Variants in MACF1 observed in about 807,000 individuals in gnomAD.
The protein encoded by MACF1 is microtubule actin crosslinking factor 1.
MACF1 carries 193 observed loss-of-function variants against 854.8 expected under a neutral mutation model. The ratio of observed to expected loss-of-function variants is 0.23; its 90% CI spans 0.20 to 0.25. The LOEUF is 0.25. MACF1 is among the 10% of genes least tolerant of loss of function. The pLI, the probability that MACF1 is intolerant of heterozygous loss-of-function variation, is 1.00. For synonymous variants in MACF1, 3,185 were observed against 3,226.7 expected (o/e 0.99, Z 0.44); for missense variants, 7,722 against 8,929.1 (o/e 0.86, Z 5.45).
At chr1:39,262,390 T>A (rs1571233492) in intron 6 of MACF1, among the ~76,000 whole-genome samples, 1 of 68,142 alleles carries the variant, frequency 1.5e-5, no homozygotes, top group East Asian at 5.2e-4. Flanking sequence ...TACACGAGAC[T>A]CCATCACAAA....
Position 39,333,221 on chromosome 1 carries a change from A to T in MACF1, c.6633A>T (p.Leu2211Phe), listed in dbSNP as rs1426365132. Residue 2211 changes from leucine (L) to phenylalanine (F), a missense_variant, in exon 37 of 101, where the codon TTA (leucine) becomes TTT (phenylalanine). Coordinates refer to ENST00000564288, the MANE Select transcript of MACF1 (RefSeq NM_001394062.1). ...TAAAGAAAACTCTAGGTATAAAGTTAGAACTAAAGTCTGAAACTGATGGGA... is the reference window on the plus strand; with the variant it reads ...TAAAGAAAACTCTAGGTATAAAGTTTGAACTAAAGTCTGAAACTGATGGGA... ...VQVKKTLGIK[L>F]ELKSETDGNV... 6.2e-7 allele frequency: 1 copy of T among 1,612,442 alleles called. No homozygotes were observed. Among genetic ancestry groups the T allele is most frequent in the Admixed American group, 1.7e-5 (1 of 59,658 alleles).
At chr1:39,303,369 G>A (rs1432247708) in intron 23 of MACF1, among the ~76,000 whole-genome samples, 1 of 152,056 alleles carries the variant, frequency 6.6e-6, no homozygotes, top group Non-Finnish European at 1.5e-5. Flanking sequence ...TGGTCAACAT[G>A]GTAAAACCTC....
At chr1:39,324,621 T>C in intron 34 of MACF1, 25 bp from the exon 35 acceptor site, 1 of 1,569,932 alleles carries the variant, frequency 6.4e-7, no homozygotes, top group Non-Finnish European at 8.6e-7. Flanking sequence ...TTTTGAAGCT[T>C]TTTCTCTTTA....
chr1:39,382,281 AT>A (rs1256216672), intron 56 of MACF1, 129 bp downstream of exon 56: 1 of 832,310 alleles, frequency 1.2e-6, no homozygotes, highest in African/African-American at 1.7e-5. Flanking sequence ...TAAATGAGGT[AT>A]TTATAAGGTG....
At chr1:39,331,006 G>T in intron 36 of MACF1, 197 bp from the exon 37 acceptor site, 1 of 594,230 alleles carries the variant, frequency 1.7e-6, no homozygotes, top group Non-Finnish European at 2.6e-6. Flanking sequence ...TCACCATGTT[G>T]GTCAGGCTGG....
chr1:39,469,586 G>T lies in MACF1; in HGVS notation c.21929G>T (p.Ser7310Ile). Residue 7310 changes from serine to isoleucine, a missense_variant, in exon 97 of 101, where the codon AGC (serine) becomes ATC (isoleucine). Transcript: ENST00000564288. ...AGTAAAATAAAGCGCTCTGATTCCA[G>T]CTCTTCGATTTCCAGTCAGTCTCCC... ...PGSKIKRSDS[S>I]SSISSQSPIA... is the part of the protein sequence containing the mutation. 2 of 1,550,492 alleles carry T rather than the reference G, an allele frequency of 1.3e-6. No individual in the cohort carries two copies. The highest frequency in any genetic ancestry group is 1.7e-6 in the Non-Finnish European group (2 of 1,146,964).
At chr1:39,209,690 C>G (rs1311340477) in intron 1 of MACF1, among the ~76,000 whole-genome samples, 1 of 151,934 alleles carries the variant, frequency 6.6e-6, no homozygotes, top group Non-Finnish European at 1.5e-5. Flanking sequence ...TATATTAAAC[C>G]TAAGATCAAT....
intron 1 of MACF1, among the ~76,000 whole-genome samples, chr1:39,217,794 A>G (rs1644595210): frequency 6.7e-6 from 1 of 149,648 alleles, no homozygotes; most frequent in South Asian, 2.1e-4. Flanking sequence ...GGCGCGGCTG[A>G]GGAGGGAAGA....
chr1:39,260,713 T>C (rs1489431404), intron 6 of MACF1, among the ~76,000 whole-genome samples: 1 of 152,150 alleles, frequency 6.6e-6, no homozygotes, highest in African/African-American at 2.4e-5. Flanking sequence ...ATACTTGTAT[T>C]ATCTCTAAAA....
intron 2 of MACF1, among the ~76,000 whole-genome samples, chr1:39,191,339 T>C (rs1429935212): frequency 6.6e-6 from 1 of 152,198 alleles, no homozygotes; most frequent in Non-Finnish European, 1.5e-5. Flanking sequence ...TCAAAGACCT[T>C]CCTCCACTTC....
chr1:39,237,774 A>G (rs1416127332), intron 2 of MACF1, among the ~76,000 whole-genome samples: 1 of 151,872 alleles, frequency 6.6e-6, no homozygotes, highest in Non-Finnish European at 1.5e-5. Context: ...AACTCCAGGC[A>G]TCCGTCATCT....
intron 15 of MACF1, 84 bp from the exon 16 acceptor site, chr1:39,291,826 G>T (rs181827771): frequency 2.1e-6 from 3 of 1,439,980 alleles, no homozygotes; most frequent in African/African-American, 1.4e-5. Context: ...CTACCCCTTG[G>T]TTCCTTGTCC....
At chr1:39,302,802 T>G in intron 22 of MACF1, 122 bp from the exon 23 acceptor site, 3 of 881,214 alleles carry the variant, frequency 3.4e-6, no homozygotes, top group Non-Finnish European at 3.4e-6. Flanking sequence ...CACTAAGTGA[T>G]AGCAGATCTT....
At position 39,150,288 on chromosome 1, in the gene MACF1, G is replaced by A. The variant is rs527955427; in HGVS notation, c.220+65850G>A. On this transcript the variant is annotated intron_variant, in intron 2 of 93. Coordinates refer to the MACF1 transcript ENST00000361689. ...CCCACCTTGGCCTCCCACAGTGCTG[G>A]GATTACAGGTGTGAGCCACCGTGCC... 4.8e-4 allele frequency among the ~76,000 whole-genome samples: 73 copies of A among 152,256 alleles called. 3 individuals are homozygous for A. The South Asian group carries it at 0.015, about 31-fold the overall frequency.
intron 2 of MACF1, among the ~76,000 whole-genome samples, chr1:39,100,118 TTGG>T (rs1399322619): frequency 6.6e-6 from 1 of 152,020 alleles, no homozygotes; most frequent in Non-Finnish European, 1.5e-5. Flanking sequence ...GGTGGGTTAA[TTGG>T]TGGGCGCACT....
intron 32 of MACF1, 83 bp downstream of exon 32, chr1:39,322,798 G>A (rs1646538401): frequency 9.8e-6 from 15 of 1,532,370 alleles, no homozygotes; most frequent in Non-Finnish European, 1.4e-5. Flanking sequence ...TTTGATTTAG[G>A]GCTCACTTTT....
At chr1:39,261,718 T>G (rs1025328817) in intron 6 of MACF1, among the ~76,000 whole-genome samples, 5 of 152,226 alleles carry the variant, frequency 3.3e-5, no homozygotes, top group African/African-American at 1.2e-4. Flanking sequence ...TTGATAGACA[T>G]TTGAGTGGTT....
rs145841002 is a variant in MACF1, at chr1:39,322,703, C to T, written c.4125C>T (p.Ala1375=). The change falls in exon 32 of 101, where the codon GCC becomes GCT. Residue 1375 remains alanine (A), a synonymous_variant. Transcript: ENST00000564288. ...KRRRMLSSSD[A]ITQEFMDLRT... Reference sequence around the variant, plus strand: ...GTCGCATGCTTTCCTCTTCAGATGCCATCACTCAAGAGGTGAGAGGGTGGG... The same window carrying T: ...GTCGCATGCTTTCCTCTTCAGATGCTATCACTCAAGAGGTGAGAGGGTGGG... 3.7e-6 allele frequency: 6 copies of T among 1,614,032 alleles called. No individual in the cohort carries two copies. The highest frequency in any genetic ancestry group is 4.2e-6 in the Non-Finnish European group (5 of 1,179,936).
At chr1:39,148,894 T>A (rs530156223) in intron 2 of MACF1, among the ~76,000 whole-genome samples, 1 of 152,364 alleles carries the variant, frequency 6.6e-6, no homozygotes, top group East Asian at 1.9e-4. Context: ...ACCATGTGGT[T>A]GGGTTTTACA....
Sources: allele counts gnomAD v4.1 joint callset (sites outside exome capture counted in the v4.1 genomes callset), GRCh38; gene constraint gnomAD v4.1.1; transcripts MANE v1.5; gene names NCBI Gene and HGNC (gene_info 2026-07-23, HGNC 2026-07-21).